CNTN5: variants seen among roughly 807,000 people sequenced by gnomAD.
The protein encoded by CNTN5 is contactin-5.
Under a neutral mutation model 129.1 loss-of-function variants are expected in CNTN5, and 77 were observed. That is an observed-to-expected ratio of 0.60 (90% CI 0.50 to 0.72). The LOEUF (loss-of-function observed/expected upper bound fraction) is 0.72. Among genes scored for constraint, CNTN5 ranks in the 30% least tolerant of loss-of-function variants. The pLI is 0.00. For missense variants in CNTN5, 1,478 were observed against 1,328.8 expected (o/e 1.11, Z -1.75); for synonymous variants, 509 against 465.6 (o/e 1.09, Z -1.20).
intron 1 of CNTN5, among the ~76,000 whole-genome samples, chr11:99,296,275 C>A (rs1400790034): frequency 6.6e-6 from 1 of 152,082 alleles, no homozygotes; most frequent in Non-Finnish European, 1.5e-5. Context: ...TGGAGGCACC[C>A]TTCTCAGCTG....
chr11:100,160,244 C>T (rs1290445862), intron 13 of CNTN5, among the ~76,000 whole-genome samples: 1 of 151,956 alleles, frequency 6.6e-6, no homozygotes, highest in African/African-American at 2.4e-5. Flanking sequence ...CTGCAAAGAA[C>T]ATGAATTCAA....
intron 8 of CNTN5, among the ~76,000 whole-genome samples, chr11:99,969,249 T>C (rs2136220094): frequency 6.6e-6 from 1 of 152,290 alleles, no homozygotes; most frequent in Admixed American, 6.5e-5. Context: ...ATTTGCTAAA[T>C]ATATATCTAA....
chr11:99,767,275 C>T (rs1243032624), intron 3 of CNTN5, among the ~76,000 whole-genome samples: 4 of 151,744 alleles, frequency 2.6e-5, no homozygotes. Context: ...AAACTAATGC[C>T]AAGTGGTAAT....
intron 6 of CNTN5, among the ~76,000 whole-genome samples, chr11:99,890,650 A>G (rs1003998869): frequency 8.5e-5 from 13 of 152,070 alleles, no homozygotes; most frequent in Non-Finnish European, 1.9e-4. Context: ...GTTCCAAATA[A>G]TTTTTGAAGA....
chr11:99,321,348 TTATA>T (rs1185388176), intron 1 of CNTN5, among the ~76,000 whole-genome samples: 1 of 148,990 alleles, frequency 6.7e-6, no homozygotes, highest in Admixed American at 6.8e-5. Context: ...TTTATATACA[TTATA>T]TATATATAAC....
chr11:99,750,318 T>C (rs1944188720), intron 3 of CNTN5, among the ~76,000 whole-genome samples: 1 of 152,174 alleles, frequency 6.6e-6, no homozygotes, highest in African/African-American at 2.4e-5. Context: ...AATGTTTCTT[T>C]GACAGTTTGG....
intron 4 of CNTN5, among the ~76,000 whole-genome samples, chr11:99,838,033 T>C (rs1278544141): frequency 6.6e-6 from 1 of 152,178 alleles, no homozygotes; most frequent in Non-Finnish European, 1.5e-5. Context: ...TAAATAGTTA[T>C]ATTAACATGC....
chr11:100,020,996 C>A (rs1397769762), intron 9 of CNTN5, among the ~76,000 whole-genome samples: 2 of 151,978 alleles, frequency 1.3e-5, no homozygotes. Context: ...CCGTACTGCC[C>A]AAAGCAATTT....
At chr11:99,884,705 G>A (rs908379426) in intron 6 of CNTN5, among the ~76,000 whole-genome samples, 4 of 152,162 alleles carry the variant, frequency 2.6e-5, no homozygotes, top group African/African-American at 9.7e-5. Flanking sequence ...GGCTGGGCAC[G>A]GTGGCTCACG....
At chr11:99,220,720 G>C (rs992785981) in intron 1 of CNTN5, among the ~76,000 whole-genome samples, 1 of 151,862 alleles carries the variant, frequency 6.6e-6, no homozygotes, top group Non-Finnish European at 1.5e-5. Context: ...AAATCAAAAG[G>C]TCTGACTAGG....
intron 1 of CNTN5, among the ~76,000 whole-genome samples, chr11:99,314,268 AAAATATTTTAAGGAACTG>A (rs1865241466): frequency 6.6e-6 from 1 of 152,116 alleles, no homozygotes; most frequent in African/African-American, 2.4e-5. Flanking sequence ...GGTGTGTTAT[AAAATATTTTAAGGAACTG>A]AAATATTTTA....
At chr11:100,286,303 G>C (rs1461177293) in intron 18 of CNTN5, among the ~76,000 whole-genome samples, 2 of 152,180 alleles carry the variant, frequency 1.3e-5, no homozygotes, top group Admixed American at 1.3e-4. Flanking sequence ...TCTGGGGGCA[G>C]GGCACAGACA....
At chr11:99,916,979 A>T (rs1197164028) in intron 7 of CNTN5, among the ~76,000 whole-genome samples, 4 of 152,038 alleles carry the variant, frequency 2.6e-5, no homozygotes, top group African/African-American at 4.8e-5. Flanking sequence ...AGTGATGGCC[A>T]TATTTGTTTC....
chr11:99,997,553 C>T (rs1199774544), intron 8 of CNTN5, among the ~76,000 whole-genome samples: 1 of 152,148 alleles, frequency 6.6e-6, no homozygotes, highest in Admixed American at 6.5e-5. Context: ...GAGATGGATT[C>T]ACAGCCGAAT....
At chr11:99,899,635 T>C (rs1310460944) in intron 6 of CNTN5, among the ~76,000 whole-genome samples, 3 of 152,094 alleles carry the variant, frequency 2.0e-5, no homozygotes, top group Non-Finnish European at 2.9e-5. Context: ...GCTAGTGTTT[T>C]GTTGAGGAGT....
chr11:99,549,630 T>G (rs150325290), intron 2 of CNTN5, among the ~76,000 whole-genome samples: 3 of 152,258 alleles, frequency 2.0e-5, no homozygotes, highest in African/African-American at 7.2e-5. Context: ...AAGGACATAC[T>G]CCTTCTTAGT....
chr11:100,028,244 T>C (rs888212691), intron 9 of CNTN5, among the ~76,000 whole-genome samples: 6 of 152,196 alleles, frequency 3.9e-5, no homozygotes, highest in African/African-American at 1.4e-4. Context: ...ATAACTCTTC[T>C]GTAGTTGAAT....
chr11:99,271,887 C>A (rs1456813823), intron 1 of CNTN5, among the ~76,000 whole-genome samples: 1 of 151,846 alleles, frequency 6.6e-6, no homozygotes, highest in Non-Finnish European at 1.5e-5. Flanking sequence ...TACGACCTAC[C>A]TTCGGAAGTC....
intron 2 of CNTN5, among the ~76,000 whole-genome samples, chr11:99,327,633 A>G (rs1217684275): frequency 1.3e-5 from 2 of 152,230 alleles, no homozygotes; most frequent in Middle Eastern, 3.2e-3. Context: ...CCAAAAAGAC[A>G]TAAGTGAATT....
Sources: gnomAD v4.1 joint callset for allele counts (sites outside exome capture counted in the v4.1 genomes callset) on GRCh38, gnomAD v4.1.1 for gene constraint, MANE v1.5 for transcripts, NCBI Gene and HGNC (gene_info 2026-07-23, HGNC 2026-07-21) for gene names.